RANBP17: variants seen among roughly 807,000 people sequenced by gnomAD.
RANBP17 encodes ran-binding protein 17.
RANBP17 carries 158 observed loss-of-function variants against 141.2 expected under a neutral mutation model. The observed-to-expected ratio is 1.12, with a 90% CI of 0.98 to 1.28. RANBP17 has a LOEUF of 1.28. Among genes scored for constraint, RANBP17 ranks in the 50% most tolerant of loss-of-function variants. The probability of loss-of-function intolerance (pLI) is 0.00; values close to 1 mark genes in which losing one functional copy is unlikely to be tolerated. For synonymous variants in RANBP17, 430 were observed against 450.0 expected (o/e 0.96, Z 0.56); for missense variants, 1,438 against 1,290.7 (o/e 1.11, Z -1.75).
intron 16 of RANBP17, among the ~76,000 whole-genome samples, chr5:171,175,503 A>G (rs886084406): frequency 1.3e-5 from 2 of 152,200 alleles, no homozygotes; most frequent in Non-Finnish European, 2.9e-5. Flanking sequence ...CAGGCAGCCT[A>G]CAGAATGGGA....
intron 14 of RANBP17, among the ~76,000 whole-genome samples, chr5:171,083,924 C>G (rs1490670512): frequency 6.6e-6 from 1 of 151,730 alleles, no homozygotes; most frequent in Non-Finnish European, 1.5e-5. Context: ...TCCAATAAAC[C>G]TCATTCTTTT....
rs1344788908 is a variant in RANBP17 at position 171,271,079 on chromosome 5, T to C, written c.2943+5232T>C. 12 of 47,732 alleles carry C rather than the reference T, an allele frequency of 2.5e-4. 1 individual carries two copies. Among genetic ancestry groups the C allele is most frequent in the African/African-American group, 3.8e-4 (5 of 13,152 alleles). 3.0% of individuals were successfully genotyped at this position (47,732 alleles called of 1,614,324 possible). On this transcript the variant is annotated intron_variant, in intron 25 of 27. Coordinates refer to ENST00000523189, the MANE Select transcript of RANBP17 (RefSeq NM_022897.5). The stretch of plus-strand genomic sequence containing the variant: ...TCCCTCCTTTTTATGTTATTTCTTT[T>C]TTTTTTTTTTTTTTTTTTTTTTTTT...
chr5:171,228,570 A>AT (rs1581071891), intron 22 of RANBP17, among the ~76,000 whole-genome samples: 1 of 152,224 alleles, frequency 6.6e-6, no homozygotes, highest in East Asian at 1.9e-4. Context: ...ATTGACTCCA[A>AT]TTTTTAAAGA....
chr5:171,126,239 TAAAG>T (rs754538386), intron 14 of RANBP17, among the ~76,000 whole-genome samples: 2 of 152,036 alleles, frequency 1.3e-5, no homozygotes, highest in African/African-American at 2.4e-5. Flanking sequence ...AGTGGATAAA[TAAAG>T]AAGGAAATTT....
chr5:170,921,343 A>G (rs1772446457), intron 11 of RANBP17, among the ~76,000 whole-genome samples: 3 of 152,218 alleles, frequency 2.0e-5, no homozygotes, highest in Non-Finnish European at 4.4e-5. Flanking sequence ...TTTATTAAAT[A>G]GGAAATAATT....
chr5:171,259,928 C>T (rs1766176013), intron 24 of RANBP17, among the ~76,000 whole-genome samples: 1 of 151,958 alleles, frequency 6.6e-6, no homozygotes, highest in Admixed American at 6.6e-5. Flanking sequence ...TTGCGACAAA[C>T]CGAGATTGCG....
Position 171,137,950 on chromosome 5 carries a change from G to GATATAT in RANBP17, c.1711-32164_1711-32159dup, listed in dbSNP as rs67832819. ...TATCTATAAGTAGTGTGATATATGA[G>GATATAT]ATATATATATATATATATATACACA... On this transcript the variant is annotated intron_variant, in intron 14 of 27. Coordinates refer to ENST00000523189, the MANE Select transcript of RANBP17 (RefSeq NM_022897.5). Among the ~76,000 whole-genome samples, 1,270 of 144,810 alleles carry GATATAT rather than the reference G, an allele frequency of 8.8e-3. 28 individuals are homozygous for GATATAT. Among genetic ancestry groups the GATATAT allele is most frequent in the East Asian group, 0.061 (305 of 4,974 alleles).
chr5:171,171,153 C>T (rs1007606938), intron 15 of RANBP17, 53 bp from the exon 16 acceptor site: 1 of 975,938 alleles, frequency 1.0e-6, no homozygotes, highest in African/African-American at 1.6e-5. Context: ...CTCTGGTTCT[C>T]CTTAGACAAG....
intron 14 of RANBP17, among the ~76,000 whole-genome samples, chr5:171,007,266 C>A (rs567150403): frequency 2.0e-5 from 3 of 152,266 alleles, no homozygotes; most frequent in East Asian, 3.9e-4. Flanking sequence ...CGTACCCTGA[C>A]TGTTCCTTCA....
intron 14 of RANBP17, among the ~76,000 whole-genome samples, chr5:171,154,671 C>A (rs187289147): frequency 6.6e-6 from 1 of 152,224 alleles, no homozygotes; most frequent in East Asian, 1.9e-4. Flanking sequence ...ACATATTTTT[C>A]CCTAGCAGCT....
At chr5:170,893,155 A>T (rs1561862216) in intron 4 of RANBP17, among the ~76,000 whole-genome samples, 1 of 152,124 alleles carries the variant, frequency 6.6e-6, no homozygotes, top group Non-Finnish European at 1.5e-5. Flanking sequence ...AGTTATTTTA[A>T]AAACAATATT....
At chr5:171,064,903 T>C (rs1212868542) in intron 14 of RANBP17, among the ~76,000 whole-genome samples, 1 of 152,206 alleles carries the variant, frequency 6.6e-6, no homozygotes, top group African/African-American at 2.4e-5. Flanking sequence ...ATTAAGAATG[T>C]AACTATTTAT....
chr5:171,025,058 C>G (rs1289582987), intron 14 of RANBP17, among the ~76,000 whole-genome samples: 2 of 152,198 alleles, frequency 1.3e-5, no homozygotes, highest in African/African-American at 4.8e-5. Context: ...CTCTGGAATT[C>G]ATCAGTGTAA....
chr5:170,930,994 C>G (rs1773324879), intron 12 of RANBP17, among the ~76,000 whole-genome samples: 1 of 152,174 alleles, frequency 6.6e-6, no homozygotes, highest in African/African-American at 2.4e-5. Context: ...ACACTGTCTT[C>G]CACAATGGTT....
intron 1 of RANBP17, among the ~76,000 whole-genome samples, chr5:170,875,241 C>G (rs1768083657): frequency 6.6e-6 from 1 of 152,170 alleles, no homozygotes; most frequent in South Asian, 2.1e-4. Flanking sequence ...CCTGGCCTTT[C>G]CCTCCTGCTG....
chr5:171,155,594 C>G (rs1045352675), intron 14 of RANBP17, among the ~76,000 whole-genome samples: 13 of 151,984 alleles, frequency 8.6e-5, no homozygotes, highest in African/African-American at 3.1e-4. Flanking sequence ...GTGAACCCTT[C>G]AAAAAAGATA....
At chr5:171,063,851 C>G (rs545993828) in intron 14 of RANBP17, among the ~76,000 whole-genome samples, 7 of 152,316 alleles carry the variant, frequency 4.6e-5, no homozygotes, top group Admixed American at 3.3e-4. Flanking sequence ...GTTTACCTAG[C>G]GAGCCTGGGC....
chr5:171,086,280 A>G (rs976401203), intron 14 of RANBP17, among the ~76,000 whole-genome samples: 2 of 145,740 alleles, frequency 1.4e-5, no homozygotes, highest in Admixed American at 6.9e-5. Flanking sequence ...TGATTTGCGT[A>G]TATTGAACCA....
At chr5:171,167,182 G>C (rs1348519551) in intron 14 of RANBP17, among the ~76,000 whole-genome samples, 2 of 152,216 alleles carry the variant, frequency 1.3e-5, no homozygotes, top group African/African-American at 4.8e-5. Flanking sequence ...AGACCTGCCT[G>C]CCTAGCTTCC....
Sources: gnomAD v4.1 joint callset for allele counts (sites outside exome capture counted in the v4.1 genomes callset) on GRCh38, gnomAD v4.1.1 for gene constraint, MANE v1.5 for transcripts, NCBI Gene and HGNC (gene_info 2026-07-23, HGNC 2026-07-21) for gene names.